Variants in ARHGAP6 observed in about 807,000 individuals in gnomAD.
ARHGAP6 encodes the protein Rho GTPase activating protein 6, also known as rho GTPase-activating protein 6.
Under a neutral mutation model 55.7 loss-of-function variants are expected in ARHGAP6, and 16 were observed. That is an observed-to-expected ratio of 0.29 (90% CI 0.19 to 0.44). ARHGAP6 has a LOEUF of 0.44. ARHGAP6 is among the 20% of genes least tolerant of loss of function. The pLI, the probability that ARHGAP6 is intolerant of heterozygous loss-of-function variation, is 1.00. For missense variants in ARHGAP6, 698 were observed against 808.9 expected, an observed-to-expected ratio of 0.86 and a Z score of 1.66; for synonymous variants, 382 against 360.9, an observed-to-expected ratio of 1.06 and a Z score of -0.66.
chrX:11,245,731 C>A (rs2047344105), intron 2 of ARHGAP6, among the ~76,000 whole-genome samples: 1 of 111,468 alleles, frequency 9.0e-6, no homozygotes, highest in Non-Finnish European at 1.9e-5. Context: ...CCAAATGTAT[C>A]TCTGATAAAG....
chrX:11,614,367 C>T (rs6639070), intron 1 of ARHGAP6, among the ~76,000 whole-genome samples: 4 of 111,874 alleles, frequency 3.6e-5, no homozygotes, highest in East Asian at 2.8e-4. Flanking sequence ...GGAAGCATGG[C>T]TGAGGAGGCC....
chrX:11,287,210 A>G (rs887244434), intron 1 of ARHGAP6, among the ~76,000 whole-genome samples: 5 of 112,280 alleles, frequency 4.5e-5, no homozygotes, highest in African/African-American at 9.7e-5. Flanking sequence ...CTCTGGTAAC[A>G]GTTTTTGAAT....
intron 1 of ARHGAP6, among the ~76,000 whole-genome samples, chrX:11,312,970 T>C (rs1638556618): frequency 8.9e-6 from 1 of 112,123 alleles, no homozygotes; most frequent in South Asian, 3.7e-4. Context: ...CTTACTCAAT[T>C]TGTTCATGGG....
chrX:11,324,215 A>T (rs1442002002), intron 1 of ARHGAP6, among the ~76,000 whole-genome samples: 1 of 112,245 alleles, frequency 8.9e-6, no homozygotes, highest in African/African-American at 3.2e-5. Context: ...GAATTGTAAC[A>T]GGAAATAAAA....
At chrX:11,348,762 G>A (rs369952722) in intron 1 of ARHGAP6, among the ~76,000 whole-genome samples, 4 of 110,991 alleles carry the variant, frequency 3.6e-5, no homozygotes, top group Non-Finnish European at 5.7e-5. Flanking sequence ...CGATTCTCCC[G>A]CCTCAGCCTC....
At chrX:11,577,375 A>C (rs2051612352) in intron 1 of ARHGAP6, among the ~76,000 whole-genome samples, 1 of 112,208 alleles carries the variant, frequency 8.9e-6, no homozygotes, top group African/African-American at 3.2e-5. Context: ...TCTGCGAGAC[A>C]GAGTGGATAT....
At chrX:11,172,751 G>A (rs975337086) in intron 8 of ARHGAP6, among the ~76,000 whole-genome samples, 2 of 110,922 alleles carry the variant, frequency 1.8e-5, no homozygotes, top group Admixed American at 9.7e-5. Context: ...GTTGCTCCCA[G>A]GCAACATCCA....
chrX:11,246,489 T>C (rs1433990571), intron 2 of ARHGAP6, among the ~76,000 whole-genome samples: 1 of 111,608 alleles, frequency 9.0e-6, no homozygotes, highest in Non-Finnish European at 1.9e-5. Context: ...AAAAGCTTAT[T>C]ATTAAATAAT....
At chrX:11,569,661 AC>A (rs1381666541) in intron 1 of ARHGAP6, among the ~76,000 whole-genome samples, 1 of 111,200 alleles carries the variant, frequency 9.0e-6, no homozygotes, top group Non-Finnish European at 1.9e-5. Context: ...TCCTAACCAC[AC>A]CCCCCATCCT....
chrX:11,268,879 C>T (rs2047660206), intron 1 of ARHGAP6, among the ~76,000 whole-genome samples: 1 of 111,566 alleles, frequency 9.0e-6, no homozygotes, highest in Admixed American at 9.5e-5. Flanking sequence ...TCTGCTTTTG[C>T]ATTCATAGGA....
At chrX:11,297,883 A>C (rs767923960) in intron 1 of ARHGAP6, among the ~76,000 whole-genome samples, 20 of 112,497 alleles carry the variant, frequency 1.8e-4, no homozygotes, top group Non-Finnish European at 3.8e-4. Flanking sequence ...TTACAATGAA[A>C]AGAAGGAACT....
chrX:11,155,890 A>G (rs1172592317), intron 10 of ARHGAP6, among the ~76,000 whole-genome samples: 2 of 112,511 alleles, frequency 1.8e-5, no homozygotes, highest in African/African-American at 6.5e-5. Context: ...AATCTGACTA[A>G]TGCAAAAACT....
At chrX:11,607,316 T>C (rs1417547702) in intron 1 of ARHGAP6, among the ~76,000 whole-genome samples, 1 of 111,886 alleles carries the variant, frequency 8.9e-6, no homozygotes, top group Non-Finnish European at 1.9e-5. Context: ...AAAGAGATGT[T>C]GAACAGTGAC....
chrX:11,442,650 A>G (rs758593380), intron 1 of ARHGAP6, among the ~76,000 whole-genome samples: 88 of 112,653 alleles, frequency 7.8e-4, no homozygotes, highest in Middle Eastern at 4.6e-3. Context: ...AAGAAAGCCC[A>G]GGAGCACGCA....
chrX:11,594,633 G>C (rs1663406597), intron 1 of ARHGAP6, among the ~76,000 whole-genome samples: 1 of 110,714 alleles, frequency 9.0e-6, no homozygotes, highest in South Asian at 3.9e-4. Context: ...CACATTCAAG[G>C]GATTTAAGGT....
intron 1 of ARHGAP6, among the ~76,000 whole-genome samples, chrX:11,456,706 A>G (rs2050197074): frequency 8.9e-6 from 1 of 112,245 alleles, no homozygotes; most frequent in Non-Finnish European, 1.9e-5. Flanking sequence ...TGAAACCTCC[A>G]TTACAAAAGA....
chrX:11,379,643 T>C (rs1342359750), intron 1 of ARHGAP6, among the ~76,000 whole-genome samples: 1 of 111,839 alleles, frequency 8.9e-6, no homozygotes, highest in Non-Finnish European at 1.9e-5. Flanking sequence ...ATGATAGAAA[T>C]GGCTCCACTT....
intron 1 of ARHGAP6, among the ~76,000 whole-genome samples, chrX:11,404,027 A>G (rs2049581332): frequency 8.9e-6 from 1 of 112,293 alleles, no homozygotes. Flanking sequence ...CGTTGCATTT[A>G]TGAATGCAAA....
intron 1 of ARHGAP6, among the ~76,000 whole-genome samples, chrX:11,538,104 A>G (rs1221007637): frequency 1.8e-5 from 2 of 112,222 alleles, no homozygotes; most frequent in Non-Finnish European, 3.8e-5. Context: ...TTTCTAAAAG[A>G]TACAGAGTTG....
Sources: allele counts gnomAD v4.1 joint callset (sites outside exome capture counted in the v4.1 genomes callset), GRCh38; gene constraint gnomAD v4.1.1; transcripts MANE v1.5; gene names NCBI Gene and HGNC (gene_info 2026-07-23, HGNC 2026-07-21).